Variants in CUL1 observed in about 807,000 individuals in gnomAD.
CUL1 encodes the protein cullin-1.
A neutral mutation model predicts 118.0 loss-of-function variants in CUL1; 24 were observed. That is an observed-to-expected ratio of 0.20 (90% CI 0.15 to 0.29). The LOEUF is 0.29. CUL1 is among the 10% of genes least tolerant of loss of function. The probability of loss-of-function intolerance (pLI) is 1.00; values close to 1 mark genes in which losing one functional copy is unlikely to be tolerated. For synonymous variants in CUL1, 332 were observed against 340.4 expected (o/e 0.98, Z 0.27); for missense variants, 361 against 933.8 (o/e 0.39, Z 7.99).
chr7:148,722,374 C>A (rs1334306770), intron 1 of CUL1, among the ~76,000 whole-genome samples: 2 of 152,200 alleles, frequency 1.3e-5, no homozygotes, highest in Admixed American at 6.5e-5. Context: ...TTGGACCTCT[C>A]TAGAGTCCTC....
intron 2 of CUL1, among the ~76,000 whole-genome samples, chr7:148,735,118 G>A (rs901708198): frequency 6.6e-6 from 1 of 152,140 alleles, no homozygotes; most frequent in African/African-American, 2.4e-5. Context: ...TCATATTTGA[G>A]AATGAGAATG....
rs543568534 is a variant in CUL1 at position 148,705,736 on chromosome 7, A to G, written c.-162+6707A>G. Among the ~76,000 whole-genome samples the G allele has an allele frequency of 5.3e-5, 8 of 152,296 alleles. No homozygotes were observed. The South Asian group carries it at 1.7e-3, about 32-fold the overall frequency. On this transcript the variant is annotated intron_variant, in intron 1 of 21. Transcript: ENST00000325222. ...GACTCTTTGATCCCAAGTGGAATTCAGGGAATAGACATGAAGACTAGGCCA... is the reference window on the plus strand; with the variant it reads ...GACTCTTTGATCCCAAGTGGAATTCGGGGAATAGACATGAAGACTAGGCCA...
chr7:148,730,284 G>A (rs769208698), intron 2 of CUL1, 22 bp downstream of exon 2: 6 of 1,584,826 alleles, frequency 3.8e-6, no homozygotes, highest in Admixed American at 1.8e-5. Context: ...CCTAGCGCAG[G>A]TTGATTGCTT....
At chr7:148,702,791 T>G (rs545991557) in intron 1 of CUL1, among the ~76,000 whole-genome samples, 1 of 152,342 alleles carries the variant, frequency 6.6e-6, no homozygotes, top group Non-Finnish European at 1.5e-5. Flanking sequence ...CCTATGTCAC[T>G]ATCACAGTAT....
chr7:148,758,107 C>G (rs1401424696), intron 4 of CUL1, among the ~76,000 whole-genome samples: 4 of 152,168 alleles, frequency 2.6e-5, no homozygotes, highest in African/African-American at 9.7e-5. Flanking sequence ...AAGAGAAACT[C>G]TGGAGATGGG....
chr7:148,783,235 G>C (rs559126979), intron 9 of CUL1: 2 of 654,250 alleles, frequency 3.1e-6, no homozygotes, highest in African/African-American at 3.9e-5. Context: ...GCTGCCCTGC[G>C]CCGCGCTCCG....
intron 12 of CUL1, 151 bp downstream of exon 12, chr7:148,786,750 ACTT>A (rs1800829090): frequency 1.2e-6 from 1 of 812,564 alleles, no homozygotes. Context: ...TTGAGTTACT[ACTT>A]TTAGCATTCA....
intron 7 of CUL1, among the ~76,000 whole-genome samples, chr7:148,765,524 G>A (rs2129460726): frequency 6.6e-6 from 1 of 152,270 alleles, no homozygotes; most frequent in South Asian, 2.1e-4. Context: ...CAGCTGCACA[G>A]GGAGGCTGAG....
intron 7 of CUL1, among the ~76,000 whole-genome samples, chr7:148,760,752 T>G (rs1461112681): frequency 6.6e-6 from 1 of 152,238 alleles, no homozygotes; most frequent in Admixed American, 6.5e-5. Context: ...TTTTTAACTG[T>G]TTATTGTAGA....
chr7:148,793,425 C>A (rs1801083872), intron 17 of CUL1, among the ~76,000 whole-genome samples: 3 of 152,136 alleles, frequency 2.0e-5, no homozygotes, highest in Admixed American at 2.0e-4. Flanking sequence ...TGTTTTATCA[C>A]CCCAAAAAGA....
intron 7 of CUL1, among the ~76,000 whole-genome samples, chr7:148,762,567 G>C (rs939072737): frequency 3.3e-5 from 5 of 152,134 alleles, no homozygotes; most frequent in African/African-American, 9.7e-5. Flanking sequence ...CGTTAACATT[G>C]CCTGTTATTT....
intron 1 of CUL1, among the ~76,000 whole-genome samples, chr7:148,703,673 C>T (rs547359158): frequency 2.0e-5 from 3 of 151,932 alleles, no homozygotes; most frequent in East Asian, 1.9e-4. Context: ...GCTGGGATTA[C>T]GGTGCCTGCC....
At chr7:148,745,747 T>C (rs1799292307) in intron 2 of CUL1, among the ~76,000 whole-genome samples, 1 of 151,694 alleles carries the variant, frequency 6.6e-6, no homozygotes, top group Non-Finnish European at 1.5e-5. Flanking sequence ...GACATGTACA[T>C]ATCCAGCTAA....
chr7:148,796,948 A>G (rs1801220436), intron 17 of CUL1, among the ~76,000 whole-genome samples: 1 of 152,176 alleles, frequency 6.6e-6, no homozygotes, highest in Non-Finnish European at 1.5e-5. Flanking sequence ...ATGGGTACCC[A>G]TTATGACGAC....
intron 1 of CUL1, among the ~76,000 whole-genome samples, chr7:148,712,996 T>G (rs1397986465): frequency 2.0e-5 from 3 of 152,220 alleles, no homozygotes; most frequent in African/African-American, 7.2e-5. Flanking sequence ...CCTTGTTACA[T>G]TCTATGAGCT....
At chr7:148,752,973 TCTTA>T (rs1203534690) in intron 2 of CUL1, among the ~76,000 whole-genome samples, 4 of 152,298 alleles carry the variant, frequency 2.6e-5, no homozygotes, top group African/African-American at 7.2e-5. Flanking sequence ...TTTTGTGTGA[TCTTA>T]CTTAGAAAGG....
At chr7:148,784,110 C>A in intron 11 of CUL1, 33 bp downstream of exon 11, 1 of 1,521,862 alleles carries the variant, frequency 6.6e-7, no homozygotes, top group Non-Finnish European at 9.1e-7. Context: ...CTTAGTATGC[C>A]TGTTTAAAAT....
chr7:148,782,816 T>C (rs1800683809), intron 9 of CUL1, among the ~76,000 whole-genome samples: 2 of 148,356 alleles, frequency 1.3e-5, no homozygotes, highest in Admixed American at 6.8e-5. Flanking sequence ...TGCAGATTAA[T>C]GTATCGTGAT....
chr7:148,759,185 G>T, intron 4 of CUL1, 119 bp from the exon 5 acceptor site: 1 of 958,732 alleles, frequency 1.0e-6, no homozygotes, highest in South Asian at 1.5e-5. Context: ...AGCAGATTTT[G>T]ACCAACTTGT....
Sources: gnomAD v4.1 joint callset for allele counts (sites outside exome capture counted in the v4.1 genomes callset) on GRCh38, gnomAD v4.1.1 for gene constraint, MANE v1.5 for transcripts, NCBI Gene and HGNC (gene_info 2026-07-23, HGNC 2026-07-21) for gene names.